The following SLC30A4 variants were observed in gnomAD, a reference collection of about 807,000 sequenced individuals.
SLC30A4 encodes the protein probable proton-coupled zinc antiporter SLC30A4.
In SLC30A4, 20 loss-of-function variants were observed where a neutral mutation model predicts 41.7. That is an observed-to-expected ratio of 0.48 (90% confidence interval 0.34 to 0.70). The LOEUF (loss-of-function observed/expected upper bound fraction) is 0.70. Ranked by LOEUF, SLC30A4 falls within the 30% of genes least tolerant of loss-of-function variation. The pLI, the probability that SLC30A4 is intolerant of heterozygous loss-of-function variation, is 0.01. For synonymous variants in SLC30A4, 181 were observed against 195.9 expected (o/e 0.92, Z 0.64); for missense variants, 441 against 529.3 (o/e 0.83, Z 1.64).
chr15:45,498,334 G>GAGA (rs1318078484), intron 3 of SLC30A4, among the ~76,000 whole-genome samples: 1 of 152,112 alleles, frequency 6.6e-6, no homozygotes, highest in Non-Finnish European at 1.5e-5. Context: ...AGTACACGTT[G>GAGA]AGCACCCCTA....
In SLC30A4 at chr15:45,481,267, C is replaced by T. The variant is rs1005820982; in HGVS notation, c.*3896G>A. On this transcript the variant is annotated 3_prime_UTR_variant, in exon 8 of 8. Transcript: ENST00000261867. ...TCTAAGTTGTAAAAATCTGCACTCA[C>T]ATTACATAAGGCATAGCTAATGGAA... 4.2e-5 allele frequency: 6 copies of T among 141,218 alleles called. No homozygotes were observed. Among genetic ancestry groups the T allele is most frequent in the South Asian group, 2.7e-4 (1 of 3,728 alleles). The allele number at this position is 141,218 out of a possible 1,614,324, so 8.7% of individuals were successfully genotyped here.
intron 2 of SLC30A4, among the ~76,000 whole-genome samples, chr15:45,517,010 C>T (rs1045206471): frequency 2.6e-5 from 4 of 152,148 alleles, no homozygotes; most frequent in Non-Finnish European, 5.9e-5. Flanking sequence ...AGTTTATATA[C>T]ACTCTCAATT....
chr15:45,515,609 C>T (rs990860566), intron 2 of SLC30A4, among the ~76,000 whole-genome samples: 2 of 151,436 alleles, frequency 1.3e-5, no homozygotes, highest in Admixed American at 6.6e-5. Context: ...GCCGAGATGG[C>T]GCCACTGCAC....
At chr15:45,498,013 C>T (rs1296242550) in intron 3 of SLC30A4, among the ~76,000 whole-genome samples, 1 of 152,156 alleles carries the variant, frequency 6.6e-6, no homozygotes, top group African/African-American at 2.4e-5. Flanking sequence ...ACTGGCCTAC[C>T]ATAACTGTTA....
At chr15:45,507,110 G>A (rs1054815862) in intron 3 of SLC30A4, among the ~76,000 whole-genome samples, 12 of 151,844 alleles carry the variant, frequency 7.9e-5, no homozygotes, top group Non-Finnish European at 1.8e-4. Flanking sequence ...TCACGAGGAC[G>A]GGAGATCCAG....
At chr15:45,513,264 GAT>G in intron 2 of SLC30A4, among the ~76,000 whole-genome samples, 1 of 147,986 alleles carries the variant, frequency 6.8e-6, no homozygotes, top group Admixed American at 6.8e-5. Context: ...GGAATGCAGT[GAT>G]GTGATCATAA....
chr15:45,490,967 T>C, intron 3 of SLC30A4, 86 bp from the exon 4 acceptor site: 1 of 890,808 alleles, frequency 1.1e-6, no homozygotes, highest in Non-Finnish European at 1.6e-6. Context: ...GTCTTTTTTA[T>C]ATTCTTTCCT....
chr15:45,491,691 G>A lies in SLC30A4; in HGVS notation c.539-810C>T, dbSNP rs186463566. ...AGCTCATGAACTACAAGAGGATCAA[G>A]ACTCTATCTCTAAAAAACACATTAA... On this transcript the variant is annotated intron_variant, in intron 3 of 7. Transcript: ENST00000261867. 3.3e-5 allele frequency among the ~76,000 whole-genome samples: 5 copies of A among 152,210 alleles called. No homozygotes were observed. The East Asian group carries it at 9.7e-4, about 29-fold the overall frequency.
At chr15:45,520,999 C>T (rs371800375) in intron 2 of SLC30A4, 10 of 465,660 alleles carry the variant, frequency 2.1e-5, no homozygotes, top group Middle Eastern at 3.3e-4. Context: ...CTGAAGCGAG[C>T]CCTGGGGAGG....
At chr15:45,509,001 G>A (rs1892220773) in intron 3 of SLC30A4, among the ~76,000 whole-genome samples, 2 of 151,796 alleles carry the variant, frequency 1.3e-5, no homozygotes, top group African/African-American at 4.8e-5. Flanking sequence ...AATTCCAAAG[G>A]GTTTATAACC....
intron 2 of SLC30A4, among the ~76,000 whole-genome samples, chr15:45,512,832 A>G (rs1403324048): frequency 6.6e-6 from 1 of 152,312 alleles, no homozygotes; most frequent in East Asian, 1.9e-4. Flanking sequence ...AGCATTTAAA[A>G]AATGGCTAGT....
chr15:45,504,398 A>G (rs1892106482), intron 3 of SLC30A4, among the ~76,000 whole-genome samples: 1 of 152,246 alleles, frequency 6.6e-6, no homozygotes, highest in African/African-American at 2.4e-5. Context: ...GTATAAGTAG[A>G]GACGGACAAG....
intron 3 of SLC30A4, among the ~76,000 whole-genome samples, chr15:45,499,206 G>A (rs185733677): frequency 6.6e-6 from 1 of 151,820 alleles, no homozygotes; most frequent in Non-Finnish European, 1.5e-5. Flanking sequence ...CGAGTAGCTG[G>A]GACTACAGGT....
In SLC30A4 at chr15:45,481,329, T is replaced by G. The variant is rs955030637; in HGVS notation, c.*3834A>C. ...AATTACAATAGCTTCCAGTTCTGCA[T>G]ATCAAAACCTTCTGAGACATGCTTT... On this transcript the variant is annotated 3_prime_UTR_variant, in exon 8 of 8. Coordinates refer to ENST00000261867, the MANE Select transcript of SLC30A4 (RefSeq NM_013309.6). 4 of 152,236 alleles carry G rather than the reference T, an allele frequency of 2.6e-5. No individual in the cohort carries two copies. Among genetic ancestry groups the G allele is most frequent in the Non-Finnish European group, 4.4e-5 (3 of 68,036 alleles). The allele number at this position is 152,236 out of a possible 1,614,324, so 9.4% of individuals were successfully genotyped here.
rs972574574 is a variant in SLC30A4, at chr15:45,483,805, G to A, written c.*1358C>T. 2.6e-5 allele frequency: 4 copies of A among 152,302 alleles called. No individual in the cohort carries two copies. The highest frequency in any genetic ancestry group is 7.2e-5 in the African/African-American group (3 of 41,426). The allele number at this position is 152,302 out of a possible 1,614,324, so 9.4% of individuals were successfully genotyped here. A position where few individuals can be genotyped will look rare whatever the true frequency, so the allele number is the denominator to read the frequency against. On this transcript the variant is annotated 3_prime_UTR_variant, in exon 8 of 8. Coordinates refer to ENST00000261867, the MANE Select transcript of SLC30A4 (RefSeq NM_013309.6). ...AATCACTTGAACCCAGGAGGCAGAG[G>A]TTACAGTGAGCAGAGGTCACGCCAC...
intron 3 of SLC30A4, among the ~76,000 whole-genome samples, chr15:45,503,446 G>A (rs35828336): frequency 0.099 from 14,937 of 151,636 alleles, 812 homozygotes; most frequent in Middle Eastern, 0.22. Flanking sequence ...GTGAAACCCC[G>A]TCTCTACCAA....
intron 3 of SLC30A4, among the ~76,000 whole-genome samples, 160 bp downstream of exon 3, chr15:45,510,978 G>A (rs1460977873): frequency 6.6e-6 from 1 of 152,158 alleles, no homozygotes; most frequent in African/African-American, 2.4e-5. Flanking sequence ...TAGGCTAAAT[G>A]TACCCTGGAA....
At chr15:45,486,822 C>T (rs956798074) in intron 6 of SLC30A4, 77 bp from the exon 7 acceptor site, 6 of 772,518 alleles carry the variant, frequency 7.8e-6, no homozygotes, top group Non-Finnish European at 9.8e-6. Flanking sequence ...TGACATTTAT[C>T]AAAGAAAACA....
chr15:45,493,758 T>A lies in SLC30A4; in HGVS notation c.539-2877A>T, dbSNP rs527450392. On this transcript the variant is annotated intron_variant, in intron 3 of 7. Transcript: ENST00000261867. ...GGAGAATTGCTTGAACCTGGGAGGG[T>A]GGAGATTGCAGTGAGCTGAGATTAT... 7.2e-5 allele frequency among the ~76,000 whole-genome samples: 11 copies of A among 151,950 alleles called. No homozygotes were observed. In the South Asian group the frequency reaches 8.3e-4, roughly 11 times the overall value.
Sources: gnomAD v4.1 joint callset for allele counts (sites outside exome capture counted in the v4.1 genomes callset) on GRCh38, gnomAD v4.1.1 for gene constraint, MANE v1.5 for transcripts, NCBI Gene and HGNC (gene_info 2026-07-23, HGNC 2026-07-21) for gene names.